The following PFKFB2 variants were observed in gnomAD, a reference collection of about 807,000 sequenced individuals.
The protein encoded by PFKFB2 is 6-phosphofructo-2-kinase/fructose-2,6-bisphosphatase 2.
In PFKFB2, 53 loss-of-function variants were observed where a neutral mutation model predicts 68.0. The observed-to-expected ratio is 0.78, with a 90% CI of 0.63 to 0.98. The LOEUF (loss-of-function observed/expected upper bound fraction) is 0.98. Ranked by LOEUF, PFKFB2 falls within the 50% of genes least tolerant of loss-of-function variation. The pLI is 0.00. For synonymous variants in PFKFB2, 222 were observed against 227.6 expected (o/e 0.98, Z 0.22); for missense variants, 451 against 642.0 (o/e 0.70, Z 3.22).
At chr1:207,059,995 C>G (rs1488809151) in intron 2 of PFKFB2, among the ~76,000 whole-genome samples, 1 of 152,158 alleles carries the variant, frequency 6.6e-6, no homozygotes, top group Non-Finnish European at 1.5e-5. Context: ...CTTTTTCCCC[C>G]ATCCTGTGCA....
upstream of PFKFB2, among the ~76,000 whole-genome samples, chr1:207,051,545 G>T (rs762001251): frequency 1.3e-5 from 2 of 152,178 alleles, no homozygotes; most frequent in Non-Finnish European, 2.9e-5. Flanking sequence ...GCTTGAAAAC[G>T]TCTATTTGCC....
intron 8 of PFKFB2, among the ~76,000 whole-genome samples, chr1:207,066,058 T>C (rs188381658): frequency 6.6e-6 from 1 of 152,358 alleles, no homozygotes; most frequent in East Asian, 1.9e-4. Flanking sequence ...ACATATTGCA[T>C]ATTTTTATAT....
upstream of PFKFB2, chr1:207,050,685 T>C (rs753164609): frequency 1.3e-5 from 21 of 1,613,088 alleles, no homozygotes; most frequent in South Asian, 1.2e-4. Context: ...CCTGATTCCT[T>C]ACCAGATTGG....
At chr1:207,053,843 A>G (rs1375526954) in intron 1 of PFKFB2, among the ~76,000 whole-genome samples, 1 of 148,694 alleles carries the variant, frequency 6.7e-6, no homozygotes, top group East Asian at 2.0e-4. Flanking sequence ...TTCAGGGAAT[A>G]TGTTCGAGAT....
chr1:207,074,915 C>G lies in PFKFB2; in HGVS notation c.*2544C>G. The G allele has an allele frequency of 5.1e-6, 5 of 985,486 alleles. No homozygotes were observed. Among genetic ancestry groups the G allele is most frequent in the Non-Finnish European group, 6.0e-6 (5 of 829,978 alleles). 61.0% of individuals were successfully genotyped at this position (985,486 alleles called of 1,614,324 possible). ...GGTTGGGGGATGGGGATGCCCCCAC[C>G]ACCACCAGTGTGAGAATGAGATATG... is the stretch of plus-strand genomic sequence containing the variant. On this transcript the variant is annotated 3_prime_UTR_variant, in exon 15 of 15. Coordinates refer to ENST00000367080, the MANE Select transcript of PFKFB2 (RefSeq NM_006212.2).
rs4030464 is a variant in PFKFB2 at position 207,068,095 on chromosome 1, A to AGTGTGTGTGTGTGTGT, written c.841-61_841-46dup. 1.1e-4 allele frequency: 123 copies of AGTGTGTGTGTGTGTGT among 1,094,094 alleles called. 2 individuals carry two copies. In the African/African-American group the frequency reaches 1.3e-3, roughly 12 times the overall value. 67.8% of individuals were successfully genotyped at this position (1,094,094 alleles called of 1,614,324 possible). On this transcript the variant is annotated intron_variant, in intron 9 of 14. Coordinates refer to ENST00000367080, the MANE Select transcript of PFKFB2 (RefSeq NM_006212.2). ...GCAGGCTTTGTGTATGTGTGTGTTGAGTGTGTGTGTGTGTGTGTGTGTCTG... is the reference window on the plus strand; with the variant it reads ...GCAGGCTTTGTGTATGTGTGTGTTGAGTGTGTGTGTGTGTGTGTGTGTGTGTGTGTGTGTGTGTCTG...
chr1:207,079,037 C>A, downstream of PFKFB2: 1 of 1,598,802 alleles, frequency 6.3e-7, no homozygotes. Flanking sequence ...GATGTTCAGG[C>A]CTCACCTCTC....
chr1:207,038,731 TGA>T (rs1246336713), intron 1 of PFKFB2, among the ~76,000 whole-genome samples: 1 of 152,200 alleles, frequency 6.6e-6, no homozygotes, highest in African/African-American at 2.4e-5. Flanking sequence ...TAACAAGGTT[TGA>T]GAGAGTCATC....
At position 207,067,821 on chromosome 1, in the gene PFKFB2, A is replaced by G. The variant is rs943312619; in HGVS notation, c.840+115A>G. 44 of 894,320 alleles carry G rather than the reference A, an allele frequency of 4.9e-5. No individual in the cohort carries two copies. In the African/African-American group the frequency reaches 6.8e-4, roughly 14 times the overall value. The allele number at this position is 894,320 out of a possible 1,614,324, so 55.4% of individuals were successfully genotyped here. A position where few individuals can be genotyped will look rare whatever the true frequency, so the allele number is the denominator to read the frequency against. Reference sequence around the variant, plus strand: ...CCATTTGGACGTAGGCTGTGGTTTCATAGTCAGGCAAGTGCTCAAGGTGTG... The same window carrying G: ...CCATTTGGACGTAGGCTGTGGTTTCGTAGTCAGGCAAGTGCTCAAGGTGTG... On this transcript the variant is annotated intron_variant, in intron 9 of 14. Transcript: ENST00000367080.
In PFKFB2 at chr1:207,062,412, C is replaced by G. The variant is rs1025529044; in HGVS notation, c.212-208C>G. 17 of 732,394 alleles carry G rather than the reference C, an allele frequency of 2.3e-5. No homozygotes were observed. The South Asian group carries it at 3.2e-4, about 14-fold the overall frequency. 45.4% of individuals were successfully genotyped at this position (732,394 alleles called of 1,614,324 possible). ...GACAGAGTGGCTGAGGAAATTGAAA[C>G]CTCAGACAGCTTAAGACTTGTCCAA... On this transcript the variant is annotated intron_variant, in intron 3 of 14. Coordinates refer to ENST00000367080, the MANE Select transcript of PFKFB2 (RefSeq NM_006212.2).
At chr1:207,051,028 C>T, upstream of PFKFB2, 1 of 1,503,740 alleles carries the variant, frequency 6.7e-7, no homozygotes, top group Non-Finnish European at 8.9e-7. Context: ...CGGGGCCAAA[C>T]ATCGCGAGAA....
intron 2 of PFKFB2, chr1:207,060,750 T>G (rs564079334): frequency 1.1e-3 from 170 of 152,248 alleles, no homozygotes; most frequent in African/African-American, 3.9e-3. Flanking sequence ...TCTGTCATTT[T>G]TATATTTCTA....
intron 2 of PFKFB2, chr1:207,046,615 C>T (rs555750731): frequency 3.3e-5 from 5 of 152,042 alleles, no homozygotes; most frequent in South Asian, 2.1e-4. Context: ...AGTGTCCAAC[C>T]GGTAAATGGA....
chr1:207,049,226 G>A, upstream of PFKFB2: 1 of 1,614,100 alleles, frequency 6.2e-7, no homozygotes, highest in Non-Finnish European at 8.5e-7. Context: ...GTCAGAGGAG[G>A]TGTATCTGGA....
chr1:207,079,932 GT>G (rs1436752596), downstream of PFKFB2: 14 of 152,270 alleles, frequency 9.2e-5, no homozygotes, highest in Non-Finnish European at 1.5e-5. Context: ...CCATGATACA[GT>G]CCTTGAGAGA....
Position 207,075,919 on chromosome 1 carries a change from A to G in PFKFB2, c.*3548A>G, listed in dbSNP as rs1553252619. ...AAATTGTAATTTAGCTCTTATCTGT[A>G]TTGTTGTTTTGTTTTGGTAAAGGGA... On this transcript the variant is annotated 3_prime_UTR_variant, in exon 15 of 15. Transcript: ENST00000367080. The G allele has an allele frequency of 7.1e-6, 7 of 984,968 alleles. 1 individual carries two copies. The highest frequency in any genetic ancestry group is 1.2e-6 in the Non-Finnish European group (1 of 829,664). The allele number at this position is 984,968 out of a possible 1,614,324, so 61.0% of individuals were successfully genotyped here.
intron 1 of PFKFB2, among the ~76,000 whole-genome samples, chr1:207,041,013 C>T (rs1230102448): frequency 6.7e-6 from 1 of 148,734 alleles, no homozygotes; most frequent in African/African-American, 2.5e-5. Flanking sequence ...ACTGCAAGCT[C>T]CGCCTCCCAG....
In PFKFB2 at chr1:207,074,748, G is replaced by A. The variant is rs528191857; in HGVS notation, c.*2377G>A. On this transcript the variant is annotated 3_prime_UTR_variant, in exon 15 of 15. Coordinates refer to ENST00000367080, the MANE Select transcript of PFKFB2 (RefSeq NM_006212.2). ...GTAGAAGAAAAGGTCCTTGTCCAGA[G>A]GAAGGTTATTTTAAGAGACAGGACA... is the stretch of plus-strand genomic sequence containing the variant. 1.0e-6 allele frequency: 1 copy of A among 985,410 alleles called. No homozygotes were observed. Among genetic ancestry groups the A allele is most frequent in the East Asian group, 1.1e-4 (1 of 8,820 alleles). The allele number at this position is 985,410 out of a possible 1,614,324, so 61.0% of individuals were successfully genotyped here. A position where few individuals can be genotyped will look rare whatever the true frequency, so the allele number is the denominator to read the frequency against.
upstream of PFKFB2, chr1:207,048,902 T>C (rs1197304035): frequency 6.3e-6 from 6 of 956,068 alleles, no homozygotes; most frequent in East Asian, 7.2e-5. Context: ...GGTTTTAAGT[T>C]AAAAGGATGG....
Sources: allele counts gnomAD v4.1 joint callset (sites outside exome capture counted in the v4.1 genomes callset), GRCh38; gene constraint gnomAD v4.1.1; transcripts MANE v1.5; gene names NCBI Gene and HGNC (gene_info 2026-07-23, HGNC 2026-07-21).